Variants in HPGDS observed in about 807,000 individuals in gnomAD.
HPGDS encodes GST class-sigma.
HPGDS carries 26 observed loss-of-function variants against 23.1 expected under a neutral mutation model. That is an observed-to-expected ratio of 1.13 (90% confidence interval 0.83 to 1.56). The LOEUF (loss-of-function observed/expected upper bound fraction) is 1.56, where lower values mean the gene tolerates loss of function less well. HPGDS is among the 40% of genes most tolerant of loss of function. HPGDS has a pLI of 0.00. For missense variants in HPGDS, 268 were observed against 236.4 expected, an observed-to-expected ratio of 1.13 and a Z score of -0.88; for synonymous variants, 95 against 77.9, an observed-to-expected ratio of 1.22 and a Z score of -1.16.
chr4:94,338,577 A>G (rs1440625528), intron 1 of HPGDS, among the ~76,000 whole-genome samples: 2 of 152,218 alleles, frequency 1.3e-5, no homozygotes, highest in African/African-American at 4.8e-5. Context: ...CAAACTAGCA[A>G]TAGAAGAATA....
chr4:94,302,261 A>G lies in HPGDS; in HGVS notation c.337-17T>C. The G allele has an allele frequency of 6.5e-7, 1 of 1,548,194 alleles. No individual in the cohort carries two copies. The stretch of plus-strand genomic sequence containing the variant: ...CATCTGCTCCTAGGAGAAGGAGAAA[A>G]TATCACTTTAAGAATAATGAGAAGA... On this transcript the variant is annotated splice_polypyrimidine_tract_variant and intron_variant, in intron 4 of 5. Transcript: ENST00000295256.
chr4:94,308,945 C>A (rs3103153), intron 3 of HPGDS, among the ~76,000 whole-genome samples: 3 of 148,856 alleles, frequency 2.0e-5, no homozygotes, highest in African/African-American at 5.0e-5. Flanking sequence ...TACATTATTT[C>A]TTTATGAAAA....
intron 1 of HPGDS, among the ~76,000 whole-genome samples, chr4:94,340,267 TTCTTTC>T (rs1178714931): frequency 3.7e-4 from 16 of 42,808 alleles, no homozygotes; most frequent in African/African-American, 1.3e-3. Context: ...AAACCTTTCT[TTCTTTC>T]TTTCTTTCTT....
intron 4 of HPGDS, among the ~76,000 whole-genome samples, chr4:94,307,864 G>T (rs2126036145): frequency 6.6e-6 from 1 of 152,240 alleles, no homozygotes; most frequent in South Asian, 2.1e-4. Flanking sequence ...TGCATTATTT[G>T]CATAGCCTAC....
chr4:94,310,248 G>A (rs1288646024), intron 3 of HPGDS, among the ~76,000 whole-genome samples: 1 of 152,160 alleles, frequency 6.6e-6, no homozygotes, highest in Non-Finnish European at 1.5e-5. Flanking sequence ...TTCTTGTAGG[G>A]TTTTTATGGT....
chr4:94,332,179 G>A (rs965817693), intron 2 of HPGDS, among the ~76,000 whole-genome samples: 1 of 151,858 alleles, frequency 6.6e-6, no homozygotes, highest in African/African-American at 2.4e-5. Context: ...TTGACTTCAG[G>A]GGAAGACTAC....
intron 1 of HPGDS, among the ~76,000 whole-genome samples, chr4:94,340,314 T>TTTCTTTTC (rs1560598050): frequency 7.1e-3 from 79 of 11,078 alleles, no homozygotes; most frequent in Non-Finnish European, 9.3e-3. Context: ...TCTTTCTCTT[T>TTTCTTTTC]TTTTTTTTTT....
chr4:94,339,904 C>G (rs561773628), intron 1 of HPGDS, among the ~76,000 whole-genome samples: 11 of 152,216 alleles, frequency 7.2e-5, no homozygotes, highest in South Asian at 6.2e-4. Flanking sequence ...GGGATTTCCC[C>G]TTTAACTTGG....
At chr4:94,318,431 C>T (rs1490010866) in intron 2 of HPGDS, among the ~76,000 whole-genome samples, 2 of 152,076 alleles carry the variant, frequency 1.3e-5, no homozygotes, top group Admixed American at 1.3e-4. Context: ...GGTATATGCA[C>T]ACAATGTAAT....
chr4:94,322,305 T>G (rs1345053071), intron 2 of HPGDS, among the ~76,000 whole-genome samples: 1 of 152,212 alleles, frequency 6.6e-6, no homozygotes, highest in Non-Finnish European at 1.5e-5. Context: ...CTCCCTCTTT[T>G]TCTATTGATT....
At chr4:94,325,210 A>G (rs1158251007) in intron 2 of HPGDS, among the ~76,000 whole-genome samples, 1 of 152,170 alleles carries the variant, frequency 6.6e-6, no homozygotes, top group Non-Finnish European at 1.5e-5. Context: ...ACTGGGAGCT[A>G]TCTCCCAGTT....
intron 5 of HPGDS, among the ~76,000 whole-genome samples, chr4:94,301,721 CAAT>C: frequency 6.6e-6 from 1 of 152,180 alleles, no homozygotes; most frequent in East Asian, 1.9e-4. Flanking sequence ...GTACCACCAA[CAAT>C]ATGATTACTG....
intron 5 of HPGDS, 32 bp from the exon 6 acceptor site, chr4:94,299,676 A>G: frequency 4.4e-6 from 7 of 1,593,336 alleles, no homozygotes; most frequent in Non-Finnish European, 6.0e-6. Flanking sequence ...TTTCATTTGA[A>G]CATAGAAAGT....
In HPGDS at chr4:94,340,314, T is replaced by C. The variant is rs1560598044; in HGVS notation, c.-10+2481A>G. Among the ~76,000 whole-genome samples, 83 of 11,072 alleles carry C rather than the reference T, an allele frequency of 7.5e-3. 1 individual carries two copies. The highest frequency in any genetic ancestry group is 0.02 in the Admixed American group (21 of 1,038). The allele number at this position is 11,072 out of a possible 152,430, so 7.3% of individuals were successfully genotyped here. A position where few individuals can be genotyped will look rare whatever the true frequency, so the allele number is the denominator to read the frequency against. ...CTTTCTTTCTTTCTTTCTTTCTCTTTTTTTTTTTTTTTTTTTTTTTTTTTT... is the reference window on the plus strand; with the variant it reads ...CTTTCTTTCTTTCTTTCTTTCTCTTCTTTTTTTTTTTTTTTTTTTTTTTTT... On this transcript the variant is annotated intron_variant, in intron 1 of 5. Coordinates refer to ENST00000295256, the MANE Select transcript of HPGDS (RefSeq NM_014485.3).
chr4:94,322,327 A>G (rs939228554), intron 2 of HPGDS, among the ~76,000 whole-genome samples: 3 of 152,198 alleles, frequency 2.0e-5, no homozygotes, highest in African/African-American at 7.2e-5. Flanking sequence ...GAATAGTTTC[A>G]GAAGGAATGG....
intron 2 of HPGDS, among the ~76,000 whole-genome samples, chr4:94,322,314 T>C (rs1426035088): frequency 6.6e-6 from 1 of 152,192 alleles, no homozygotes. Flanking sequence ...TTTCTATTGA[T>C]TGGAATAGTT....
intron 5 of HPGDS, 102 bp from the exon 6 acceptor site, chr4:94,299,746 A>G (rs1755998711): frequency 4.7e-6 from 5 of 1,075,094 alleles, no homozygotes; most frequent in Non-Finnish European, 6.7e-6. Flanking sequence ...ATTCAAAACA[A>G]TCTTGTTATT....
chr4:94,303,392 A>G (rs529266929), intron 4 of HPGDS, among the ~76,000 whole-genome samples: 1 of 152,260 alleles, frequency 6.6e-6, no homozygotes, highest in South Asian at 2.1e-4. Context: ...TAATGCAAAT[A>G]TTCCAAAATC....
At chr4:94,332,243 C>T (rs984210587) in intron 2 of HPGDS, among the ~76,000 whole-genome samples, 1 of 152,150 alleles carries the variant, frequency 6.6e-6, no homozygotes, top group African/African-American at 2.4e-5. Flanking sequence ...CCATTTCCAC[C>T]ACTTAATAAA....
Sources: gnomAD v4.1 joint callset for allele counts (sites outside exome capture counted in the v4.1 genomes callset) on GRCh38, gnomAD v4.1.1 for gene constraint, MANE v1.5 for transcripts, NCBI Gene and HGNC (gene_info 2026-07-23, HGNC 2026-07-21) for gene names.